Variants in CEBPZ observed in about 807,000 individuals in gnomAD.
CEBPZ encodes CCAAT/enhancer-binding protein zeta.
In CEBPZ, 78 loss-of-function variants were observed where a neutral mutation model predicts 104.5. That is an observed-to-expected ratio of 0.75 (90% CI 0.62 to 0.90). CEBPZ has a LOEUF of 0.90. CEBPZ is among the 40% of genes least tolerant of loss of function. The probability of loss-of-function intolerance (pLI) is 0.00; values close to 1 mark genes in which losing one functional copy is unlikely to be tolerated. For synonymous variants in CEBPZ, 470 were observed against 427.0 expected (o/e 1.10, Z -1.24); for missense variants, 1,439 against 1,233.5 (o/e 1.17, Z -2.50).
chr2:37,231,533 G>C lies in CEBPZ; in HGVS notation c.35C>G (p.Ala12Gly). Residue 12 changes from alanine (A) to glycine (G), a missense_variant, in exon 1 of 16, where the codon GCC becomes GGC. Transcript: ENST00000234170. The stretch of plus-strand genomic sequence containing the variant: ...CTCCTCGGGGCGCCAAGGCCGCTTG[G>C]CATGGAACTCCAAAGGCTCCTTGAC... ...AAVKEPLEFH[A>G]KRPWRPEEAV... 6.2e-7 allele frequency: 1 copy of C among 1,614,228 alleles called. No individual in the cohort carries two copies. The highest frequency in any genetic ancestry group is 8.5e-7 in the Non-Finnish European group (1 of 1,180,040).
chr2:37,227,804 AGTT>A lies in CEBPZ; in HGVS notation c.1386_1388del (p.Thr463del), dbSNP rs1195557447. On this transcript the variant is annotated inframe_deletion, in exon 2 of 16. Coordinates refer to ENST00000234170, the MANE Select transcript of CEBPZ (RefSeq NM_005760.3). The stretch of plus-strand genomic sequence containing the variant: ...AAGTCCGAAAAAAGCAAAAGTAAAC[AGTT>A]ATTAATTTGTTAGCCAATTCACTTT... 1 of 1,614,090 alleles carries A rather than the reference AGTT, an allele frequency of 6.2e-7. No individual in the cohort carries two copies. Among genetic ancestry groups the A allele is most frequent in the Admixed American group, 1.7e-5 (1 of 60,006 alleles).
In CEBPZ at chr2:37,202,787, C is replaced by T; in HGVS notation, c.3022G>A (p.Ala1008Thr). 1 of 1,556,416 alleles carries T rather than the reference C, an allele frequency of 6.4e-7. No individual in the cohort carries two copies. The highest frequency in any genetic ancestry group is 8.7e-7 in the Non-Finnish European group (1 of 1,150,124). Residue 1008 changes from alanine to threonine, a missense_variant, in exon 15 of 16, where the codon GCA becomes ACA. Coordinates refer to ENST00000234170, the MANE Select transcript of CEBPZ (RefSeq NM_005760.3). ...GMNAMANKDN[A>T]SLKQLRWEAE... ...TAAAAAAATTTAAGTTACTTACTTG[C>T]ATTATCTTTGTTAGCCATGGCATTC...
chr2:37,219,795 A>T (rs1664723921), intron 5 of CEBPZ, among the ~76,000 whole-genome samples: 1 of 152,160 alleles, frequency 6.6e-6, no homozygotes, highest in South Asian at 2.1e-4. Flanking sequence ...CTAATAAATA[A>T]AGCAAAATTT....
At chr2:37,223,467 T>C in intron 2 of CEBPZ, 66 bp from the exon 3 acceptor site, 3 of 1,365,654 alleles carry the variant, frequency 2.2e-6, no homozygotes, top group Non-Finnish European at 3.1e-6. Flanking sequence ...TGGTCACATA[T>C]TAGAAATAGC....
intron 5 of CEBPZ, among the ~76,000 whole-genome samples, chr2:37,220,085 G>A (rs1026101061): frequency 6.6e-6 from 1 of 152,112 alleles, no homozygotes; most frequent in Non-Finnish European, 1.5e-5. Context: ...TTGGGAGGCT[G>A]AGGCAGGCGG....
intron 13 of CEBPZ, among the ~76,000 whole-genome samples, chr2:37,206,828 G>A (rs752119299): frequency 8.5e-5 from 13 of 152,130 alleles, no homozygotes; most frequent in Non-Finnish European, 1.3e-4. Flanking sequence ...CAAATACTAC[G>A]TTGGATGTAA....
intron 9 of CEBPZ, among the ~76,000 whole-genome samples, chr2:37,214,450 T>C (rs1447500632): frequency 6.6e-6 from 1 of 152,260 alleles, no homozygotes; most frequent in South Asian, 2.1e-4. Flanking sequence ...GAGTTATCAC[T>C]ATATTAAACT....
At position 37,223,391 on chromosome 2, in the gene CEBPZ, C is replaced by A. The variant is rs749377271; in HGVS notation, c.1660G>T (p.Asp554Tyr). The change falls in exon 3 of 16, where the codon GAT (aspartate) becomes TAT (tyrosine). Residue 554 changes from aspartate to tyrosine, a missense_variant. Coordinates refer to ENST00000234170, the MANE Select transcript of CEBPZ (RefSeq NM_005760.3). ...YYTALYRKML[D>Y]PGLMTCSKQA... ...TTGGAACACGTCATCAACCCTGGAT[C>A]CAACATCTTCCTGCAAAACAAAACC... 1.9e-6 allele frequency: 3 copies of A among 1,613,522 alleles called. No individual in the cohort carries two copies. In the East Asian group the frequency reaches 6.7e-5, roughly 36 times the overall value.
chr2:37,221,141 G>A (rs1312733632), intron 4 of CEBPZ, among the ~76,000 whole-genome samples: 1 of 151,690 alleles, frequency 6.6e-6, no homozygotes, highest in Non-Finnish European at 1.5e-5. Flanking sequence ...GCACAGAGTG[G>A]GATTTCGTCT....
In CEBPZ at chr2:37,202,755, A is replaced by G. The variant is rs751939416; in HGVS notation, c.3025+29T>C. On this transcript the variant is annotated intron_variant, in intron 15 of 15. Transcript: ENST00000234170. ...GTTCCAAGCCAAAGCTATTTTTAAAACATCAATAAAAAAATTTAAGTTACT... is the reference window on the plus strand; with the variant it reads ...GTTCCAAGCCAAAGCTATTTTTAAAGCATCAATAAAAAAATTTAAGTTACT... 6.6e-6 allele frequency: 9 copies of G among 1,373,842 alleles called. No homozygotes were observed. In the South Asian group the frequency reaches 1.3e-4, roughly 20 times the overall value. 85.1% of individuals were successfully genotyped at this position (1,373,842 alleles called of 1,614,324 possible). A position where few individuals can be genotyped will look rare whatever the true frequency, so the allele number is the denominator to read the frequency against.
intron 2 of CEBPZ, 46 bp from the exon 3 acceptor site, chr2:37,223,447 C>G (rs1234765630): frequency 6.6e-7 from 1 of 1,507,484 alleles, no homozygotes. Flanking sequence ...AAAACCATCT[C>G]CACAACCAAT....
intron 7 of CEBPZ, 48 bp from the exon 8 acceptor site, chr2:37,216,256 T>G: frequency 6.2e-7 from 1 of 1,600,542 alleles, no homozygotes; most frequent in Non-Finnish European, 8.6e-7. Flanking sequence ...AGTTATAAGC[T>G]CATATTGTTT....
rs749957036 is a variant in CEBPZ at position 37,228,385 on chromosome 2, CA to C, written c.807del (p.Val270Ter). 2.5e-6 allele frequency: 4 copies of C among 1,614,084 alleles called. No homozygotes were observed. The African/African-American group carries it at 5.3e-5, about 22-fold the overall frequency. On this transcript the variant is annotated frameshift_variant, in exon 2 of 16. Transcript: ENST00000234170. LOFTEE classifies it high-confidence loss of function. ...CTGCCCTTCTTTTTAACAAGGTTCA[CA>C]AGAGTTTCTACAAACTGAAGTGTGT... Reference protein sequence around the residue: ...AVHTLQFVETLVNLVKKKGSK... With the variant: ...AVHTLQFVETXVNLVKKKGSK...
Position 37,201,911 on chromosome 2 carries a change from A to G in CEBPZ, c.3026-8T>C. 6.2e-7 allele frequency: 1 copy of G among 1,611,030 alleles called. No homozygotes were observed. The highest frequency in any genetic ancestry group is 8.5e-7 in the Non-Finnish European group (1 of 1,179,098). On this transcript the variant is annotated splice_region_variant and splice_polypyrimidine_tract_variant and intron_variant, in intron 15 of 15. Transcript: ENST00000234170. Reference sequence around the variant, plus strand: ...ATCTAAGCTGTTTGAGACCTTTGAGAGAAGAAGAAAAGATGAGTGTACTAC... The same window carrying G: ...ATCTAAGCTGTTTGAGACCTTTGAGGGAAGAAGAAAAGATGAGTGTACTAC...
At chr2:37,217,631 G>A (rs1458263967) in intron 5 of CEBPZ, among the ~76,000 whole-genome samples, 3 of 152,090 alleles carry the variant, frequency 2.0e-5, no homozygotes, top group African/African-American at 4.8e-5. Context: ...GGCCAGGCGC[G>A]GTGGCTCATG....
In CEBPZ at chr2:37,211,920, T is replaced by G. The variant is rs1358802000; in HGVS notation, c.2723A>C (p.Asp908Ala). ...DDEVSLGSMD[D>A]EEFAEVDEDG... ...TTCATCAACTTCAGCAAATTCTTCA[T>G]CATCCATACTTCCTAAAGAAACTTC... The change falls in exon 12 of 16, where the codon GAT (aspartate) becomes GCT (alanine). Residue 908 changes from aspartate to alanine, a missense_variant. Asp to Ala is a moderately radical substitution (Grantham distance 126). Coordinates refer to ENST00000234170, the MANE Select transcript of CEBPZ (RefSeq NM_005760.3). 1 of 1,613,520 alleles carries G rather than the reference T, an allele frequency of 6.2e-7. No homozygotes were observed. The highest frequency in any genetic ancestry group is 1.7e-5 in the Admixed American group (1 of 59,852).
rs1664817648 is a variant in CEBPZ at position 37,223,584 on chromosome 2, G to A, written c.1650-183C>T. On this transcript the variant is annotated intron_variant, in intron 2 of 15. Transcript: ENST00000234170. ...CAATGACCAGAAAAGGATGATGATG[G>A]CACCAGGAAAAACCAACAGCAACAG... is the stretch of plus-strand genomic sequence containing the variant. 2.6e-5 allele frequency among the ~76,000 whole-genome samples: 4 copies of A among 152,168 alleles called. No individual in the cohort carries two copies. The South Asian group carries it at 8.3e-4, about 32-fold the overall frequency.
intron 2 of CEBPZ, among the ~76,000 whole-genome samples, chr2:37,226,889 A>C (rs1664898449): frequency 6.6e-6 from 1 of 152,150 alleles, no homozygotes; most frequent in Admixed American, 6.5e-5. Flanking sequence ...CAGTAAAGAA[A>C]ATCTTCATCT....
At chr2:37,209,146 GAC>G (rs1677638072) in intron 13 of CEBPZ, 1 of 151,848 alleles carries the variant, frequency 6.6e-6, no homozygotes, top group Non-Finnish European at 1.5e-5. Context: ...AGAAACCACA[GAC>G]ACACACAAAT....
Sources: gnomAD v4.1 joint callset for allele counts (sites outside exome capture counted in the v4.1 genomes callset) on GRCh38, gnomAD v4.1.1 for gene constraint, MANE v1.5 for transcripts, NCBI Gene and HGNC (gene_info 2026-07-23, HGNC 2026-07-21) for gene names.